The following ZNF285 variants were observed in gnomAD, a reference collection of about 807,000 sequenced individuals.
ZNF285 encodes the protein zinc finger protein 285, also known as zinc finger protein 285A.
A neutral mutation model predicts 6.2 loss-of-function variants in ZNF285; 4 were observed. The observed-to-expected ratio is 0.65, with a 90% CI of 0.32 to 1.49. The LOEUF is 1.49. Ranked by LOEUF, ZNF285 falls within the 40% of genes most tolerant of loss-of-function variation. ZNF285 has a pLI of 0.07. For synonymous variants in ZNF285, 240 were observed against 245.8 expected, an observed-to-expected ratio of 0.98 and a Z score of 0.22; for missense variants, 695 against 708.8, an observed-to-expected ratio of 0.98 and a Z score of 0.22.
intron 3 of ZNF285, among the ~76,000 whole-genome samples, chr19:44,388,880 T>C (rs1971145236): frequency 6.8e-6 from 1 of 146,280 alleles, no homozygotes; most frequent in Non-Finnish European, 1.5e-5. Flanking sequence ...CTATCACGTA[T>C]GTTTGTGTAC....
Position 44,386,938 on chromosome 19 carries a change from C to T in ZNF285, c.1307G>A (p.Gly436Asp), listed in dbSNP as rs1971090916. ...GTGAAGGTGTGTACATTGGCTGAAG[C>T]CCTTTCCACACTCACCACACCTATA... ...KPYRCGECGK[G>D]FSQCTHLHIH... The change falls in exon 4 of 4, where the codon GGC becomes GAC. Residue 436 changes from glycine (G) to aspartate (D), a missense_variant. Transcript: ENST00000614994. The T allele has an allele frequency of 6.2e-7, 1 of 1,614,120 alleles. No homozygotes were observed. The highest frequency in any genetic ancestry group is 1.7e-4 in the Middle Eastern group (1 of 6,060).
chr19:44,388,833 T>C (rs596135), intron 3 of ZNF285, among the ~76,000 whole-genome samples: 1 of 124,882 alleles, frequency 8.0e-6, no homozygotes, highest in South Asian at 2.5e-4. Flanking sequence ...TATCTCCTGA[T>C]GGCTTCCCTT....
chr19:44,393,598 T>C (rs1455015624), intron 2 of ZNF285, among the ~76,000 whole-genome samples: 1 of 152,202 alleles, frequency 6.6e-6, no homozygotes, highest in Non-Finnish European at 1.5e-5. Flanking sequence ...CTGATGGTAG[T>C]TTCTTTTGCT....
intron 3 of ZNF285, among the ~76,000 whole-genome samples, chr19:44,390,107 C>G (rs1375819118): frequency 1.3e-5 from 2 of 152,114 alleles, no homozygotes; most frequent in African/African-American, 4.8e-5. Flanking sequence ...TCAGAGCCCC[C>G]ACACAGAGTC....
intron 1 of ZNF285, among the ~76,000 whole-genome samples, chr19:44,398,968 C>A (rs979046117): frequency 6.6e-6 from 1 of 152,012 alleles, no homozygotes; most frequent in Non-Finnish European, 1.5e-5. Context: ...GATACAGTAA[C>A]AAGAAATTAC....
Position 44,386,334 on chromosome 19 carries a change from C to T in ZNF285, c.*138G>A, listed in dbSNP as rs1971068694. On this transcript the variant is annotated 3_prime_UTR_variant, in exon 4 of 4. Coordinates refer to ENST00000614994, the MANE Select transcript of ZNF285 (RefSeq NM_152354.6). Reference sequence around the variant, plus strand: ...TCCACAGTCCTTGCCTGGCACACTTCAGTGCTGCAGGCTGACATTATCGAT... The same window carrying T: ...TCCACAGTCCTTGCCTGGCACACTTTAGTGCTGCAGGCTGACATTATCGAT... 2.1e-6 allele frequency: 2 copies of T among 940,352 alleles called. No individual in the cohort carries two copies. Among genetic ancestry groups the T allele is most frequent in the South Asian group, 1.8e-5 (1 of 56,360 alleles). The allele number at this position is 940,352 out of a possible 1,614,324, so 58.3% of individuals were successfully genotyped here.
In ZNF285 at chr19:44,399,416, T is replaced by C. The variant is rs530271986; in HGVS notation, c.-44+2152A>G. On this transcript the variant is annotated intron_variant, in intron 1 of 3. Transcript: ENST00000614994. ...AAAAAAAAAAAAAATAACCAAGCTG[T>C]AGTCTTTTATCCACTGTACTTGGTA... is the stretch of plus-strand genomic sequence containing the variant. Among the ~76,000 whole-genome samples the C allele has an allele frequency of 4.2e-5, 6 of 144,298 alleles. No individual in the cohort carries two copies. The South Asian group carries it at 6.6e-4, about 16-fold the overall frequency. 94.7% of individuals were successfully genotyped at this position (144,298 alleles called of 152,430 possible). A position where few individuals can be genotyped will look rare whatever the true frequency, so the allele number is the denominator to read the frequency against.
In ZNF285 at chr19:44,383,726, G is replaced by C. The variant is rs1180338205; in HGVS notation, c.*2746C>G. The C allele has an allele frequency of 1.3e-5, 2 of 152,142 alleles. No individual in the cohort carries two copies. The highest frequency in any genetic ancestry group is 6.5e-5 in the Admixed American group (1 of 15,278). 9.4% of individuals were successfully genotyped at this position (152,142 alleles called of 1,614,324 possible). A position where few individuals can be genotyped will look rare whatever the true frequency, so the allele number is the denominator to read the frequency against. ...AATTATACATGAGCGAGTCTGTTACGCTTTTATCAAATCATTGGATTTGAC... is the reference window on the plus strand; with the variant it reads ...AATTATACATGAGCGAGTCTGTTACCCTTTTATCAAATCATTGGATTTGAC... On this transcript the variant is annotated 3_prime_UTR_variant, in exon 4 of 4. Transcript: ENST00000614994.
intron 2 of ZNF285, among the ~76,000 whole-genome samples, chr19:44,395,118 T>C (rs551441112): frequency 4.6e-5 from 7 of 152,256 alleles, no homozygotes; most frequent in Non-Finnish European, 7.4e-5. Context: ...TAGGCAGCGA[T>C]TGTCATAGGA....
Position 44,387,198 on chromosome 19 carries a change from A to G in ZNF285, c.1047T>C (p.Cys349=), listed in dbSNP as rs369427994. Residue 349 remains cysteine (C), a synonymous_variant, in exon 4 of 4, where the codon TGT becomes TGC. Coordinates refer to ENST00000614994, the MANE Select transcript of ZNF285 (RefSeq NM_152354.6). ...GTGACCTAAATCCAAACCCTTTCCC[A>G]CATTCATCGCATTTGTAGGGCATCT... ...TGEMPYKCDE[C]GKGFGFRSLL... 2.5e-5 allele frequency: 40 copies of G among 1,613,792 alleles called. No homozygotes were observed. Among genetic ancestry groups the G allele is most frequent in the Admixed American group, 5.0e-5 (3 of 59,964 alleles).
At chr19:44,392,570 A>C (rs1178530330) in intron 2 of ZNF285, 104 bp from the exon 3 acceptor site, 1 of 1,605,874 alleles carries the variant, frequency 6.2e-7, no homozygotes, top group Non-Finnish European at 8.5e-7. Context: ...AGATTAAACA[A>C]AATAAACTTA....
At chr19:44,392,244 C>A in intron 3 of ZNF285, 96 bp downstream of exon 3, 1 of 1,565,178 alleles carries the variant, frequency 6.4e-7, no homozygotes, top group East Asian at 2.2e-5. Context: ...TTCCAGTGGC[C>A]AAAGTTTCTC....
chr19:44,395,525 A>G (rs1191789596), intron 2 of ZNF285, among the ~76,000 whole-genome samples: 1 of 152,204 alleles, frequency 6.6e-6, no homozygotes, highest in Non-Finnish European at 1.5e-5. Context: ...CTGTTAAAAA[A>G]TTTTTTGAGA....
intron 2 of ZNF285, 197 bp downstream of exon 2, chr19:44,397,002 A>C (rs991286958): frequency 2.9e-6 from 2 of 697,544 alleles, no homozygotes; most frequent in African/African-American, 1.8e-5. Context: ...CAAAGTAGAC[A>C]TCTTGAAATC....
Position 44,387,905 on chromosome 19 carries a change from T to C in ZNF285, c.340A>G (p.Ile114Val), listed in dbSNP as rs142665590. ...TCATTTTCAGAAATCTGAAGAGAAA[T>C]GCCTGCCCACTCTTCACTGAGGGAA... ...DVSLSEEWAGISLQISENENY... is the reference protein window; with the variant it reads ...DVSLSEEWAGVSLQISENENY... The change falls in exon 4 of 4, where the codon ATT becomes GTT. Residue 114 changes from isoleucine (I) to valine (V), a missense_variant. Physicochemically the swap from Ile to Val is conservative, Grantham distance 29. Transcript: ENST00000614994. The C allele has an allele frequency of 8.2e-5, 132 of 1,614,000 alleles. No individual in the cohort carries two copies. In the African/African-American group the frequency reaches 1.6e-3, roughly 19 times the overall value.
At chr19:44,397,986 G>A (rs938696579) in intron 1 of ZNF285, among the ~76,000 whole-genome samples, 6 of 151,860 alleles carry the variant, frequency 4.0e-5, no homozygotes, top group African/African-American at 1.2e-4. Context: ...GATCTTGTAT[G>A]GCCAAGCCTG....
At chr19:44,391,381 T>A (rs893379852) in intron 3 of ZNF285, among the ~76,000 whole-genome samples, 1 of 151,940 alleles carries the variant, frequency 6.6e-6, no homozygotes, top group Admixed American at 6.6e-5. Flanking sequence ...ACAGTAACTA[T>A]CTGTATTAGT....
At chr19:44,400,784 T>C (rs1971362420) in intron 1 of ZNF285, among the ~76,000 whole-genome samples, 2 of 152,090 alleles carry the variant, frequency 1.3e-5, no homozygotes, top group South Asian at 4.1e-4. Context: ...GGTTTCACCG[T>C]GTTAGCCAGG....
intron 3 of ZNF285, 104 bp downstream of exon 3, chr19:44,392,236 C>G: frequency 1.3e-6 from 2 of 1,557,040 alleles, no homozygotes; most frequent in African/African-American, 1.4e-5. Flanking sequence ...AGTTTTCTTT[C>G]CAGTGGCCAA....
Sources: allele counts gnomAD v4.1 joint callset (sites outside exome capture counted in the v4.1 genomes callset), GRCh38; gene constraint gnomAD v4.1.1; transcripts MANE v1.5; gene names NCBI Gene and HGNC (gene_info 2026-07-23, HGNC 2026-07-21).